The following SPEN variants were observed in gnomAD, a reference collection of about 807,000 sequenced individuals.
SPEN encodes spen family transcriptional repressor, also known as msx2-interacting protein.
Under a neutral mutation model 269.9 loss-of-function variants are expected in SPEN, and 18 were observed. The ratio of observed to expected loss-of-function variants is 0.07; its 90% CI spans 0.05 to 0.10. The LOEUF is 0.10. Ranked by LOEUF, SPEN falls within the 10% of genes least tolerant of loss-of-function variation. SPEN has a pLI of 1.00. For synonymous variants in SPEN, 1,726 were observed against 1,765.7 expected (o/e 0.98, Z 0.56); for missense variants, 3,822 against 4,631.2 (o/e 0.83, Z 5.07).
At chr1:15,910,969 T>TA (rs1171229208) in intron 4 of SPEN, 132 bp from the exon 5 acceptor site, 1 of 707,412 alleles carries the variant, frequency 1.4e-6, no homozygotes, top group African/African-American at 1.8e-5. Flanking sequence ...CAGACCTTGT[T>TA]ATGACATTAG....
At chr1:15,901,317 T>TA (rs578009515) in intron 3 of SPEN, among the ~76,000 whole-genome samples, 56 of 143,512 alleles carry the variant, frequency 3.9e-4, no homozygotes, top group African/African-American at 8.1e-4. Flanking sequence ...CTCTGTCTGG[T>TA]AAAAAAAAAT....
In SPEN at chr1:15,915,107, C is replaced by T. The variant is rs368234600; in HGVS notation, c.1244-1021C>T. ...GTCTATTTCAGAGTATAGTTTTATA[C>T]GCCAAATTGAGAGCCTGCTACGTAA... is the stretch of plus-strand genomic sequence containing the variant. On this transcript the variant is annotated intron_variant, in intron 5 of 14. Coordinates refer to ENST00000375759, the MANE Select transcript of SPEN (RefSeq NM_015001.3). Among the ~76,000 whole-genome samples the T allele has an allele frequency of 9.2e-5, 14 of 152,266 alleles. No homozygotes were observed. The South Asian group carries it at 1.2e-3, about 14-fold the overall frequency.
Position 15,934,760 on chromosome 1 carries a change from C to T in SPEN, c.8520C>T (p.Ala2840=), listed in dbSNP as rs2071257933. ...CCAAGATCAGCCAGATCCCCCCGGC[C>T]AGTGCAATGGACATTGAATTTCAGC... ...ISAKISQIPP[A]SAMDIEFQQS... The change falls in exon 11 of 15, where the codon GCC becomes GCT. Residue 2840 remains alanine (A), a synonymous_variant. Coordinates refer to ENST00000375759, the MANE Select transcript of SPEN (RefSeq NM_015001.3). This position sits in a 1 kb window ranked among gnomAD's most constrained non-coding sequence, Gnocchi z 9.2. 1.2e-6 allele frequency: 2 copies of T among 1,614,042 alleles called. No homozygotes were observed. Among genetic ancestry groups the T allele is most frequent in the Non-Finnish European group, 8.5e-7 (1 of 1,180,032 alleles).
chr1:15,892,012 CTTTTTTTTTTTT>C lies in SPEN; in HGVS notation c.881+15348_881+15359del, dbSNP rs71003216. On this transcript the variant is annotated intron_variant, in intron 3 of 14. Coordinates refer to ENST00000375759, the MANE Select transcript of SPEN (RefSeq NM_015001.3). Reference sequence around the variant, plus strand: ...CATTAATTACATCTGTTTCTTTTTACTTTTTTTTTTTTTTTTTTTTTTTTTGGAGATGGAGTC... The same window carrying C: ...CATTAATTACATCTGTTTCTTTTTACTTTTTTTTTTTTTGGAGATGGAGTC... Among the ~76,000 whole-genome samples, 443 of 74,632 alleles carry C rather than the reference CTTTTTTTTTTTT, an allele frequency of 5.9e-3. 3 individuals carry two copies. Among genetic ancestry groups the C allele is most frequent in the African/African-American group, 0.022 (394 of 18,032 alleles). 49.0% of individuals were successfully genotyped at this position (74,632 alleles called of 152,430 possible).
intron 1 of SPEN, among the ~76,000 whole-genome samples, chr1:15,865,060 A>G (rs944047794): frequency 6.8e-6 from 1 of 147,162 alleles, no homozygotes; most frequent in African/African-American, 2.5e-5. Context: ...CTTAATTTTA[A>G]TTTTTTTTTG....
At chr1:15,871,322 T>C (rs1271291011) in intron 1 of SPEN, among the ~76,000 whole-genome samples, 1 of 151,972 alleles carries the variant, frequency 6.6e-6, no homozygotes, top group Non-Finnish European at 1.5e-5. Flanking sequence ...ATTAGAACCC[T>C]AGTCACTTTT....
Position 15,933,248 on chromosome 1 carries a change from C to T in SPEN, c.7008C>T (p.Thr2336=). Residue 2336 remains threonine, a synonymous_variant, in exon 11 of 15, where the codon ACC becomes ACT. Transcript: ENST00000375759. The surrounding 1 kb of genome is among the most constrained non-coding windows in gnomAD (Gnocchi z 5.7). ...VRKDKGRQKT[T]RSRRKRNTNK... ...AAGACAAAGGGCGCCAGAAAACAACCCGATCACGCCGCAAGCGAAACACAA... is the reference window on the plus strand; with the variant it reads ...AAGACAAAGGGCGCCAGAAAACAACTCGATCACGCCGCAAGCGAAACACAA... The T allele has an allele frequency of 6.2e-7, 1 of 1,614,132 alleles. No homozygotes were observed. The highest frequency in any genetic ancestry group is 8.5e-7 in the Non-Finnish European group (1 of 1,180,038).
At chr1:15,884,477 G>A (rs978348729) in intron 3 of SPEN, among the ~76,000 whole-genome samples, 16 of 152,090 alleles carry the variant, frequency 1.1e-4, no homozygotes, top group Admixed American at 3.3e-4. Context: ...TAAAGGTGAG[G>A]AAAACCATTA....
In SPEN at chr1:15,931,407, T is replaced by G; in HGVS notation, c.5167T>G (p.Ser1723Ala). Residue 1723 changes from serine to alanine, a missense_variant, in exon 11 of 15, where the codon TCA becomes GCA. By Grantham distance (99) the Ser-to-Ala change is moderately conservative. Coordinates refer to ENST00000375759, the MANE Select transcript of SPEN (RefSeq NM_015001.3). This position sits in a 1 kb window ranked among gnomAD's most constrained non-coding sequence, Gnocchi z 4.8. ...GATGCCTGCGGGTGTTGAGGAAGGT[T>G]CATCAGGTGACCAGCCGCCTTATCT... ...AMMPAGVEEG[S>A]SGDQPPYLDA... The G allele has an allele frequency of 2.5e-6, 4 of 1,614,078 alleles. No homozygotes were observed. Among genetic ancestry groups the G allele is most frequent in the Non-Finnish European group, 3.4e-6 (4 of 1,180,006 alleles).
chr1:15,862,568 G>T (rs905146375), intron 1 of SPEN, among the ~76,000 whole-genome samples: 8 of 152,078 alleles, frequency 5.3e-5, no homozygotes, highest in Non-Finnish European at 1.2e-4. Context: ...AGAAACTTTG[G>T]AATTTTTCTC....
Position 15,933,294 on chromosome 1 carries a change from G to A in SPEN, c.7054G>A (p.Val2352Ile). 1 of 1,614,130 alleles carries A rather than the reference G, an allele frequency of 6.2e-7. No individual in the cohort carries two copies. The stretch of plus-strand genomic sequence containing the variant: ...CACAAACAAGAAAGTGGTGGCTCCT[G>A]TAGAGAGCCATGTCCCTGAATCCAA... ...RNTNKKVVAP[V>I]ESHVPESNQA... The change falls in exon 11 of 15, where the codon GTA (valine) becomes ATA (isoleucine). Residue 2352 changes from valine to isoleucine, a missense_variant. Physicochemically the swap from Val to Ile is conservative, Grantham distance 29. Around this residue, in one of 16 missense-constraint regions of SPEN, gnomAD observed 727 missense variants for 737.9 expected, o/e 0.99. Coordinates refer to ENST00000375759, the MANE Select transcript of SPEN (RefSeq NM_015001.3). The surrounding 1 kb of genome is among the most constrained non-coding windows in gnomAD (Gnocchi z 5.7).
chr1:15,912,534 G>T (rs1232237194), intron 5 of SPEN, among the ~76,000 whole-genome samples: 1 of 152,160 alleles, frequency 6.6e-6, no homozygotes, highest in Non-Finnish European at 1.5e-5. Context: ...AGTTCCCCTG[G>T]TGAGGATGCA....
chr1:15,882,093 A>C (rs1206895225), intron 3 of SPEN, among the ~76,000 whole-genome samples: 1 of 152,154 alleles, frequency 6.6e-6, no homozygotes, highest in Admixed American at 6.6e-5. Context: ...TGAAGTCCTT[A>C]TAAATAACAC....
chr1:15,919,148 T>C (rs2071092784), intron 7 of SPEN, 97 bp downstream of exon 7: 2 of 1,063,146 alleles, frequency 1.9e-6, no homozygotes, highest in Non-Finnish European at 2.7e-6. Flanking sequence ...TTATTTAAGA[T>C]CCTACTAAGA....
intron 11 of SPEN, 37 bp downstream of exon 11, chr1:15,936,303 C>T (rs377625623): frequency 1.3e-6 from 2 of 1,508,044 alleles, no homozygotes; most frequent in Admixed American, 2.1e-5. Context: ...GTCTGTTGGG[C>T]ATGTGCTTGT....
In SPEN at chr1:15,928,785, GAAAAGC is replaced by G; in HGVS notation, c.2546_2551del (p.Glu849_Pro851delinsAla). The G allele has an allele frequency of 4.3e-6, 7 of 1,614,122 alleles. No individual in the cohort carries two copies. The highest frequency in any genetic ancestry group is 5.9e-6 in the Non-Finnish European group (7 of 1,180,040). ...AGAAAATGAGCGAGAGCAAAGCCCTGAAAAGCCCAGGAGTTGTAATAAACTGAGCAG... is the reference window on the plus strand; with the variant it reads ...AGAAAATGAGCGAGAGCAAAGCCCTGCCAGGAGTTGTAATAAACTGAGCAG... On this transcript the variant is annotated inframe_deletion, in exon 11 of 15. Transcript: ENST00000375759. The surrounding 1 kb of genome is among the most constrained non-coding windows in gnomAD (Gnocchi z 5.7).
At chr1:15,888,615 C>T (rs1353390405) in intron 3 of SPEN, among the ~76,000 whole-genome samples, 1 of 151,752 alleles carries the variant, frequency 6.6e-6, no homozygotes, top group Non-Finnish European at 1.5e-5. Context: ...TGAGCTACCA[C>T]ACCCAGCCAA....
Position 15,929,179 on chromosome 1 carries a change from A to C in SPEN, c.2939A>C (p.Lys980Thr). ...GGGGTAAGTGCTGTGGATCTGGAGA[A>C]GCTGGAAGCCAGGAAAAGGCGCTTT... ...ADGVSAVDLE[K>T]LEARKRRFAD... The change falls in exon 11 of 15, where the codon AAG (lysine) becomes ACG (threonine). Residue 980 changes from lysine to threonine, a missense_variant. This residue lies in a region of SPEN where 572 missense variants were observed against 582.6 expected (regional missense o/e 0.98). Transcript: ENST00000375759. This position sits in a 1 kb window ranked among gnomAD's most constrained non-coding sequence, Gnocchi z 5.8. 2 of 1,614,208 alleles carry C rather than the reference A, an allele frequency of 1.2e-6. No homozygotes were observed. Among genetic ancestry groups the C allele is most frequent in the South Asian group, 2.2e-5 (2 of 91,088 alleles).
At chr1:15,898,365 A>T (rs1299679689) in intron 3 of SPEN, among the ~76,000 whole-genome samples, 2 of 151,508 alleles carry the variant, frequency 1.3e-5, no homozygotes, top group East Asian at 3.9e-4. Context: ...ATAACTCCCA[A>T]TTCTCCCTTT....
Sources: allele counts gnomAD v4.1 joint callset (sites outside exome capture counted in the v4.1 genomes callset), GRCh38; gene constraint gnomAD v4.1.1; regional missense constraint gnomAD v4.1.1; non-coding constraint Gnocchi (gnomAD v3.1); transcripts MANE v1.5; gene names NCBI Gene and HGNC (gene_info 2026-07-23, HGNC 2026-07-21).